Variants in DLG2 observed in about 807,000 individuals in gnomAD.
The protein encoded by DLG2 is disks large homolog 2.
DLG2 carries 45 observed loss-of-function variants against 132.5 expected under a neutral mutation model. That is an observed-to-expected ratio of 0.34 (90% CI 0.27 to 0.44). DLG2 has a LOEUF of 0.44. DLG2 is among the 20% of genes least tolerant of loss of function. The pLI, the probability that DLG2 is intolerant of heterozygous loss-of-function variation, is 1.00. For synonymous variants in DLG2, 424 were observed against 419.6 expected (o/e 1.01, Z -0.13); for missense variants, 1,045 against 1,196.9 (o/e 0.87, Z 1.87).
At chr11:85,011,318 C>T (rs568790763) in intron 6 of DLG2, among the ~76,000 whole-genome samples, 3 of 152,164 alleles carry the variant, frequency 2.0e-5, no homozygotes, top group Non-Finnish European at 4.4e-5. Flanking sequence ...AAATGAGACC[C>T]ATTTTCCTCA....
At position 84,590,854 on chromosome 11, in the gene DLG2, G is replaced by A. The variant is rs544473789; in HGVS notation, c.358-56123C>T. On this transcript the variant is annotated intron_variant, in intron 6 of 27. Coordinates refer to ENST00000376104, the MANE Select transcript of DLG2 (RefSeq NM_001142699.3). Reference sequence around the variant, plus strand: ...AACCAAATAATAACAGAAATTTAAAGCCTACGATGGGTGATGGGGCACATC... The same window carrying A: ...AACCAAATAATAACAGAAATTTAAAACCTACGATGGGTGATGGGGCACATC... Among the ~76,000 whole-genome samples, 12 of 152,250 alleles carry A rather than the reference G, an allele frequency of 7.9e-5. No individual in the cohort carries two copies. The South Asian group carries it at 2.3e-3, about 29-fold the overall frequency.
intron 9 of DLG2, among the ~76,000 whole-genome samples, chr11:84,116,353 T>C (rs1305474485): frequency 6.6e-6 from 1 of 152,232 alleles, no homozygotes; most frequent in Admixed American, 6.5e-5. Flanking sequence ...TTCCATGTTT[T>C]GTTAGTCCAT....
chr11:85,499,159 G>T (rs1448647277), intron 3 of DLG2, among the ~76,000 whole-genome samples: 2 of 152,004 alleles, frequency 1.3e-5, no homozygotes, highest in African/African-American at 2.4e-5. Context: ...ATGAATCCTG[G>T]AGCTGGTTTT....
intron 3 of DLG2, among the ~76,000 whole-genome samples, chr11:85,483,368 A>G (rs1200533731): frequency 6.6e-6 from 1 of 152,226 alleles, no homozygotes. Flanking sequence ...AGAATACTGT[A>G]TCTAGCAAAG....
intron 7 of DLG2, among the ~76,000 whole-genome samples, chr11:84,510,459 A>G (rs991978508): frequency 2.6e-5 from 4 of 152,134 alleles, no homozygotes; most frequent in African/African-American, 7.2e-5. Flanking sequence ...CTAAATAGAT[A>G]TAAGAACTCA....
chr11:84,236,418 CA>C (rs2097159343), intron 8 of DLG2, among the ~76,000 whole-genome samples: 1 of 152,248 alleles, frequency 6.6e-6, no homozygotes, highest in Admixed American at 6.5e-5. Flanking sequence ...TAACCTACCT[CA>C]AGGTCAACCC....
At chr11:85,044,416 G>A (rs1453005735) in intron 6 of DLG2, among the ~76,000 whole-genome samples, 1 of 151,912 alleles carries the variant, frequency 6.6e-6, no homozygotes, top group Non-Finnish European at 1.5e-5. Context: ...TAACTGTCTT[G>A]AGACTAGATG....
rs1445183919 is a variant in DLG2 at position 84,356,498 on chromosome 11, G to A, written c.520-105207C>T. On this transcript the variant is annotated intron_variant, in intron 7 of 27. Coordinates refer to ENST00000376104, the MANE Select transcript of DLG2 (RefSeq NM_001142699.3). Reference sequence around the variant, plus strand: ...ATCTGGCCTTAAATGCTTACATGATGACTTGCTAGCTGTGTGACTTTGGGT... The same window carrying A: ...ATCTGGCCTTAAATGCTTACATGATAACTTGCTAGCTGTGTGACTTTGGGT... Among the ~76,000 whole-genome samples, 3 of 152,070 alleles carry A rather than the reference G, an allele frequency of 2.0e-5. No homozygotes were observed. The East Asian group carries it at 5.8e-4, about 29-fold the overall frequency.
At position 83,790,178 on chromosome 11, in the gene DLG2, T is replaced by C. The variant is rs567103571; in HGVS notation, c.1723-3386A>G. ...AGACCTTGAATAACAAAAAGTTCCATTTTCAGAGTCCCTGACTGAATGCTC... is the reference window on the plus strand; with the variant it reads ...AGACCTTGAATAACAAAAAGTTCCACTTTCAGAGTCCCTGACTGAATGCTC... On this transcript the variant is annotated intron_variant, in intron 17 of 27. Coordinates refer to ENST00000376104, the MANE Select transcript of DLG2 (RefSeq NM_001142699.3). 17 of 869,858 alleles carry C rather than the reference T, an allele frequency of 2.0e-5. No homozygotes were observed. In the African/African-American group the frequency reaches 2.9e-4, roughly 15 times the overall value. 53.9% of individuals were successfully genotyped at this position (869,858 alleles called of 1,614,324 possible).
intron 6 of DLG2, among the ~76,000 whole-genome samples, chr11:84,742,158 G>C (rs956031883): frequency 2.6e-5 from 4 of 151,986 alleles, no homozygotes; most frequent in African/African-American, 9.7e-5. Context: ...CGATTTATGG[G>C]GCACTATTAA....
intron 4 of DLG2, among the ~76,000 whole-genome samples, chr11:85,227,944 A>T (rs2075073243): frequency 6.6e-6 from 1 of 152,026 alleles, no homozygotes; most frequent in Admixed American, 6.6e-5. Context: ...ACCCAGGACA[A>T]TCTTCCCCCA....
intron 6 of DLG2, among the ~76,000 whole-genome samples, chr11:84,942,471 C>T (rs1472890456): frequency 6.6e-6 from 1 of 152,106 alleles, no homozygotes; most frequent in Non-Finnish European, 1.5e-5. Context: ...TTTATTGACA[C>T]ACTAGGCACA....
intron 6 of DLG2, among the ~76,000 whole-genome samples, chr11:84,601,372 G>A (rs1205345940): frequency 6.6e-6 from 1 of 152,108 alleles, no homozygotes; most frequent in Non-Finnish European, 1.5e-5. Flanking sequence ...ACAATTGTGA[G>A]AAAAATTAGT....
At chr11:84,348,560 G>A (rs1470638349) in intron 7 of DLG2, among the ~76,000 whole-genome samples, 1 of 152,206 alleles carries the variant, frequency 6.6e-6, no homozygotes. Context: ...GGTAAGCTAT[G>A]ACAGGGGATT....
Position 84,378,041 on chromosome 11 carries a change from A to G in DLG2, c.520-126750T>C, listed in dbSNP as rs905908685. ...GAAAGGGCCTACTAGGAAAATACCT[A>G]TTCCACTGGCTATAGACTGAATGTT... On this transcript the variant is annotated intron_variant, in intron 7 of 27. Coordinates refer to ENST00000376104, the MANE Select transcript of DLG2 (RefSeq NM_001142699.3). Among the ~76,000 whole-genome samples, 9 of 152,318 alleles carry G rather than the reference A, an allele frequency of 5.9e-5. 1 individual carries two copies. The highest frequency in any genetic ancestry group is 3.3e-4 in the Admixed American group (5 of 15,298).
chr11:85,117,826 T>C (rs541989766), intron 5 of DLG2, among the ~76,000 whole-genome samples: 1 of 152,110 alleles, frequency 6.6e-6, no homozygotes, highest in East Asian at 1.9e-4. Context: ...TGGGACTGTA[T>C]TTGTGATATT....
intron 4 of DLG2, among the ~76,000 whole-genome samples, chr11:85,253,327 A>T (rs964160907): frequency 1.1e-4 from 17 of 152,246 alleles, no homozygotes; most frequent in Non-Finnish European, 2.4e-4. Flanking sequence ...GGTACTACTC[A>T]TAAAGTGAAA....
At chr11:85,153,339 T>C (rs896245271) in intron 5 of DLG2, among the ~76,000 whole-genome samples, 5 of 152,196 alleles carry the variant, frequency 3.3e-5, no homozygotes, top group African/African-American at 1.2e-4. Context: ...GTTCCCATAA[T>C]TGAATTAGTC....
intron 18 of DLG2, among the ~76,000 whole-genome samples, chr11:83,753,875 GATATATATCAT>G (rs1566833177): frequency 4.2e-4 from 6 of 14,416 alleles, no homozygotes; most frequent in Non-Finnish European, 6.5e-4. Flanking sequence ...TCATATATAT[GATATATATCAT>G]ATATATCATA....
Sources: allele counts gnomAD v4.1 joint callset (sites outside exome capture counted in the v4.1 genomes callset), GRCh38; gene constraint gnomAD v4.1.1; transcripts MANE v1.5; gene names NCBI Gene and HGNC (gene_info 2026-07-23, HGNC 2026-07-21).